GRIK3: variants seen among roughly 807,000 people sequenced by gnomAD.
The protein encoded by GRIK3 is glutamate ionotropic receptor kainate type subunit 3, also known as glutamate receptor ionotropic, kainate 3.
In GRIK3, 29 loss-of-function variants were observed where a neutral mutation model predicts 102.5. The observed-to-expected ratio is 0.28, with a 90% CI of 0.21 to 0.39. The LOEUF (loss-of-function observed/expected upper bound fraction) is 0.39. Ranked by LOEUF, GRIK3 falls within the 10% of genes least tolerant of loss-of-function variation. The pLI is 1.00. For missense variants in GRIK3, 908 were observed against 1,252.4 expected, an observed-to-expected ratio of 0.73 and a Z score of 4.15; for synonymous variants, 511 against 504.9, an observed-to-expected ratio of 1.01 and a Z score of -0.16.
At chr1:36,837,858 T>C (rs962016881) in intron 10 of GRIK3, among the ~76,000 whole-genome samples, 3 of 152,198 alleles carry the variant, frequency 2.0e-5, no homozygotes, top group African/African-American at 4.8e-5. Flanking sequence ...AAAAGTCCAG[T>C]GCCCCAAGTA....
At chr1:36,830,374 T>A (rs983177301) in intron 10 of GRIK3, among the ~76,000 whole-genome samples, 1 of 150,328 alleles carries the variant, frequency 6.7e-6, no homozygotes, top group African/African-American at 2.4e-5. Context: ...CCACCCCCAA[T>A]TATGTGCAAA....
chr1:36,934,269 C>A (rs1641628890), intron 1 of GRIK3, among the ~76,000 whole-genome samples: 1 of 152,158 alleles, frequency 6.6e-6, no homozygotes, highest in South Asian at 2.1e-4. Context: ...TGGCATGCAG[C>A]CCAGACAGAT....
chr1:37,034,291 G>A lies in GRIK3; in HGVS notation c.-183C>T, dbSNP rs1642863749. Among the ~76,000 whole-genome samples the A allele has an allele frequency of 6.7e-6, 1 of 149,010 alleles. No homozygotes were observed. The highest frequency in any genetic ancestry group is 6.7e-5 in the Admixed American group (1 of 15,018). On this transcript the variant is annotated 5_prime_UTR_variant, in exon 1 of 16. Transcript: ENST00000373091. ...GCACATCTTACTGGGGGGCCGCCCC[G>A]CCGGCGCCCGCCCCGCCTGGCTGCC...
intron 10 of GRIK3, among the ~76,000 whole-genome samples, chr1:36,829,330 C>A (rs1049627061): frequency 1.3e-5 from 2 of 152,102 alleles, no homozygotes; most frequent in African/African-American, 4.8e-5. Context: ...AAATCATAGG[C>A]TGTCAGAGCT....
At chr1:36,995,244 A>T (rs958015911) in intron 1 of GRIK3, among the ~76,000 whole-genome samples, 2 of 152,188 alleles carry the variant, frequency 1.3e-5, no homozygotes, top group African/African-American at 4.8e-5. Context: ...CATCATCATT[A>T]TTGTTCATGG....
intron 1 of GRIK3, among the ~76,000 whole-genome samples, chr1:36,943,565 A>G (rs1281496622): frequency 3.9e-5 from 6 of 152,244 alleles, no homozygotes. Flanking sequence ...TGCCTGAGGC[A>G]TCTCATTAGT....
chr1:36,970,669 C>A (rs1054826712), intron 1 of GRIK3, among the ~76,000 whole-genome samples: 2 of 152,198 alleles, frequency 1.3e-5, no homozygotes, highest in Non-Finnish European at 2.9e-5. Context: ...TGGCTCCCAA[C>A]ACTTCTCTAG....
intron 1 of GRIK3, among the ~76,000 whole-genome samples, chr1:36,911,971 A>G (rs1283398369): frequency 4.6e-5 from 7 of 152,032 alleles, no homozygotes; most frequent in Non-Finnish European, 8.8e-5. Context: ...ACCCACTGGC[A>G]GCAGAAAGGA....
chr1:36,956,799 T>C (rs576922078), intron 1 of GRIK3, among the ~76,000 whole-genome samples: 1 of 152,390 alleles, frequency 6.6e-6, no homozygotes, highest in East Asian at 1.9e-4. Flanking sequence ...CTTACTGTTC[T>C]ATTCTCTCTA....
intron 1 of GRIK3, among the ~76,000 whole-genome samples, chr1:37,008,311 A>G (rs867971394): frequency 6.6e-6 from 1 of 152,190 alleles, no homozygotes; most frequent in Non-Finnish European, 1.5e-5. Context: ...ATCCTCATCT[A>G]TAAAATGGGA....
chr1:36,862,825 A>G (rs189160668), intron 5 of GRIK3, among the ~76,000 whole-genome samples: 42 of 152,282 alleles, frequency 2.8e-4, no homozygotes, highest in African/African-American at 9.4e-4. Flanking sequence ...ATGCCCTTAG[A>G]ACATGTCTGG....
chr1:36,832,818 C>T (rs1274095337), intron 10 of GRIK3, among the ~76,000 whole-genome samples: 1 of 152,190 alleles, frequency 6.6e-6, no homozygotes, highest in African/African-American at 2.4e-5. Context: ...AGTTCTCTCC[C>T]CACACCTCAT....
At chr1:36,930,560 C>T (rs1641576212) in intron 1 of GRIK3, among the ~76,000 whole-genome samples, 1 of 152,220 alleles carries the variant, frequency 6.6e-6, no homozygotes, top group Admixed American at 6.5e-5. Context: ...GTCCATCACA[C>T]ATGCCTGATG....
chr1:36,808,585 G>A (rs1254727864), intron 13 of GRIK3, among the ~76,000 whole-genome samples: 1 of 152,120 alleles, frequency 6.6e-6, no homozygotes, highest in Admixed American at 6.5e-5. Flanking sequence ...TCAGTCACCT[G>A]GGGGGAGCTG....
At chr1:36,925,552 A>G (rs915209695) in intron 1 of GRIK3, among the ~76,000 whole-genome samples, 1 of 152,376 alleles carries the variant, frequency 6.6e-6, no homozygotes, top group Admixed American at 6.5e-5. Flanking sequence ...TTGTGTAGAA[A>G]CAGACAAGCC....
intron 1 of GRIK3, among the ~76,000 whole-genome samples, chr1:37,031,952 T>C (rs1291891105): frequency 1.3e-5 from 2 of 152,132 alleles, no homozygotes; most frequent in Non-Finnish European, 2.9e-5. Flanking sequence ...GCAGTCACGT[T>C]TGGCGCAGGC....
chr1:36,931,589 G>A (rs181986820), intron 1 of GRIK3, among the ~76,000 whole-genome samples: 61 of 152,272 alleles, frequency 4.0e-4, no homozygotes, highest in Admixed American at 1.0e-3. Flanking sequence ...TGTATTGAGC[G>A]CCCAGCACAA....
At chr1:37,019,708 C>T (rs189615408) in intron 1 of GRIK3, among the ~76,000 whole-genome samples, 27 of 152,210 alleles carry the variant, frequency 1.8e-4, no homozygotes, top group African/African-American at 6.5e-4. Context: ...CAGCCCAGAA[C>T]CCATGTGAAA....
chr1:36,969,455 T>A (rs997893679), intron 1 of GRIK3, among the ~76,000 whole-genome samples: 2 of 152,258 alleles, frequency 1.3e-5, no homozygotes, highest in African/African-American at 2.4e-5. Context: ...AACACACACA[T>A]AATCATTGAC....
Sources: allele counts gnomAD v4.1 joint callset (sites outside exome capture counted in the v4.1 genomes callset), GRCh38; gene constraint gnomAD v4.1.1; transcripts MANE v1.5; gene names NCBI Gene and HGNC (gene_info 2026-07-23, HGNC 2026-07-21).